The following MAP3K1 variants were observed in gnomAD, a reference collection of about 807,000 sequenced individuals.
MAP3K1 encodes the protein MAP/ERK kinase kinase 1.
In MAP3K1, 36 loss-of-function variants were observed where a neutral mutation model predicts 144.2. That is an observed-to-expected ratio of 0.25 (90% CI 0.19 to 0.33). The LOEUF (loss-of-function observed/expected upper bound fraction) is 0.33, where lower values mean the gene tolerates loss of function less well. MAP3K1 is among the 10% of genes least tolerant of loss of function. The pLI, the probability that MAP3K1 is intolerant of heterozygous loss-of-function variation, is 1.00. For missense variants in MAP3K1, 1,650 were observed against 1,881.9 expected, an observed-to-expected ratio of 0.88 and a Z score of 2.28; for synonymous variants, 718 against 688.7, an observed-to-expected ratio of 1.04 and a Z score of -0.67.
At chr5:56,868,577 G>C (rs1452589034) in intron 6 of MAP3K1, among the ~76,000 whole-genome samples, 1 of 151,968 alleles carries the variant, frequency 6.6e-6, no homozygotes, top group Admixed American at 6.6e-5. Flanking sequence ...GTAGTGACAG[G>C]GTTTCACCAT....
intron 6 of MAP3K1, among the ~76,000 whole-genome samples, chr5:56,867,936 C>T (rs1356788711): frequency 2.0e-5 from 3 of 152,010 alleles, no homozygotes; most frequent in Non-Finnish European, 2.9e-5. Context: ...TTTTGGAGAA[C>T]GTTGAATGGC....
chr5:56,860,305 T>C (rs1747467612), intron 3 of MAP3K1, among the ~76,000 whole-genome samples: 1 of 152,224 alleles, frequency 6.6e-6, no homozygotes, highest in Non-Finnish European at 1.5e-5. Context: ...TATTAAATCT[T>C]GACTCTTAGT....
intron 6 of MAP3K1, among the ~76,000 whole-genome samples, chr5:56,870,694 C>T (rs1747825174): frequency 6.6e-6 from 1 of 152,132 alleles, no homozygotes; most frequent in Admixed American, 6.5e-5. Flanking sequence ...TATTTTTCCA[C>T]ATCATCACCA....
intron 1 of MAP3K1, among the ~76,000 whole-genome samples, chr5:56,838,629 A>C (rs1746724484): frequency 3.3e-5 from 5 of 152,182 alleles, no homozygotes; most frequent in Admixed American, 3.3e-4. Flanking sequence ...TTTTTAAGGA[A>C]AGAGTGCCAC....
chr5:56,870,977 C>T (rs948516545), intron 6 of MAP3K1, among the ~76,000 whole-genome samples: 2 of 152,084 alleles, frequency 1.3e-5, no homozygotes, highest in African/African-American at 4.8e-5. Flanking sequence ...TTTTCTGTGC[C>T]ATTATCAGGG....
chr5:56,887,473 GA>G lies in MAP3K1; in HGVS notation c.4211del (p.Glu1404GlyfsTer18). The G allele has an allele frequency of 6.2e-7, 1 of 1,614,178 alleles. No homozygotes were observed. The highest frequency in any genetic ancestry group is 1.1e-5 in the South Asian group (1 of 91,086). On this transcript the variant is annotated frameshift_variant, in exon 18 of 20. Coordinates refer to ENST00000399503, the MANE Select transcript of MAP3K1 (RefSeq NM_005921.2). LOFTEE classifies it high-confidence loss of function. ...GGCATCAAAAGGAACTGGTGCAGGA[GA>G]GTTTCAGGGACAATTACTGGGGACA... is the stretch of plus-strand genomic sequence containing the variant. The part of the protein sequence containing the change: ...RLASKGTGAG[E>X]FQGQLLGTIA...
chr5:56,857,052 T>TC (rs1747364510), intron 2 of MAP3K1, among the ~76,000 whole-genome samples: 1 of 152,204 alleles, frequency 6.6e-6, no homozygotes, highest in Admixed American at 6.5e-5. Context: ...TTGTAAATTT[T>TC]AAAAAGAATT....
chr5:56,881,025 G>C, intron 12 of MAP3K1, 58 bp from the exon 13 acceptor site: 1 of 1,413,228 alleles, frequency 7.1e-7, no homozygotes, highest in Non-Finnish European at 9.8e-7. Flanking sequence ...ATCATGTCTT[G>C]TTTTAGATTT....
intron 1 of MAP3K1, among the ~76,000 whole-genome samples, chr5:56,856,026 CA>C (rs1239204737): frequency 2.0e-5 from 3 of 152,122 alleles, no homozygotes; most frequent in African/African-American, 7.2e-5. Flanking sequence ...GAGTAAAGAT[CA>C]AATGTTTGTA....
chr5:56,876,680 G>A (rs897618558), intron 10 of MAP3K1, among the ~76,000 whole-genome samples: 5 of 152,076 alleles, frequency 3.3e-5, no homozygotes, highest in Non-Finnish European at 5.9e-5. Context: ...CTTTATGAAG[G>A]TTACTTAACC....
chr5:56,892,542 T>C (rs1328045374), intron 19 of MAP3K1, among the ~76,000 whole-genome samples: 1 of 152,202 alleles, frequency 6.6e-6, no homozygotes, highest in Non-Finnish European at 1.5e-5. Flanking sequence ...AGACAAATTG[T>C]ACCTTCTAGT....
At chr5:56,844,203 T>TTG (rs1432256301) in intron 1 of MAP3K1, among the ~76,000 whole-genome samples, 4 of 143,224 alleles carry the variant, frequency 2.8e-5, no homozygotes, top group Non-Finnish European at 6.1e-5. Context: ...TTTTTTTTTT[T>TTG]TTTTGAGACA....
intron 19 of MAP3K1, 103 bp downstream of exon 19, chr5:56,888,460 GTAAA>G: frequency 2.0e-6 from 2 of 980,096 alleles, no homozygotes; most frequent in Non-Finnish European, 3.2e-6. Flanking sequence ...TAGCATGAAG[GTAAA>G]TAAATAGTCT....
chr5:56,818,984 C>T (rs1371581169), intron 1 of MAP3K1, among the ~76,000 whole-genome samples: 1 of 152,110 alleles, frequency 6.6e-6, no homozygotes, highest in African/African-American at 2.4e-5. Flanking sequence ...AAAAATTACT[C>T]TTAAAATATT....
chr5:56,879,924 C>G (rs1465545459), intron 11 of MAP3K1, among the ~76,000 whole-genome samples: 2 of 152,192 alleles, frequency 1.3e-5, no homozygotes, highest in African/African-American at 4.8e-5. Context: ...TTCTCTTCCT[C>G]TGCAAGTCAT....
At chr5:56,840,530 A>C (rs557503207) in intron 1 of MAP3K1, among the ~76,000 whole-genome samples, 8 of 152,350 alleles carry the variant, frequency 5.3e-5, no homozygotes, top group Admixed American at 5.2e-4. Flanking sequence ...ATATTTTAGC[A>C]ATAACTGTGT....
chr5:56,890,680 C>T (rs751030806), intron 19 of MAP3K1, among the ~76,000 whole-genome samples: 3 of 152,014 alleles, frequency 2.0e-5, no homozygotes, highest in African/African-American at 7.3e-5. Flanking sequence ...AGAAATTAAA[C>T]GAGTATGAAG....
intron 19 of MAP3K1, among the ~76,000 whole-genome samples, chr5:56,893,314 C>A (rs1748603099): frequency 6.6e-6 from 1 of 152,122 alleles, no homozygotes; most frequent in Non-Finnish European, 1.5e-5. Flanking sequence ...TTGATCAAAT[C>A]CTAAAATCCT....
intron 6 of MAP3K1, 126 bp downstream of exon 6, chr5:56,866,103 A>G (rs1747663429): frequency 1.5e-5 from 14 of 934,304 alleles, no homozygotes; most frequent in Non-Finnish European, 2.3e-5. Context: ...CTTTCAAGTT[A>G]AAATCAAGGG....
Sources: gnomAD v4.1 joint callset for allele counts (sites outside exome capture counted in the v4.1 genomes callset) on GRCh38, gnomAD v4.1.1 for gene constraint, MANE v1.5 for transcripts, NCBI Gene and HGNC (gene_info 2026-07-23, HGNC 2026-07-21) for gene names.